RAB20: variants seen among roughly 807,000 people sequenced by gnomAD.
RAB20 encodes ras-related protein Rab-20.
Under a neutral mutation model 3.7 loss-of-function variants are expected in RAB20, and 2 were observed. The observed-to-expected ratio is 0.54, with a 90% CI of 0.22 to 1.69. The LOEUF (loss-of-function observed/expected upper bound fraction) is 1.69, where lower values mean the gene tolerates loss of function less well. Ranked by LOEUF, RAB20 falls within the 40% of genes most tolerant of loss-of-function variation. RAB20 has a pLI of 0.19. For missense variants in RAB20, 276 were observed against 311.9 expected (o/e 0.88, Z 0.87); for synonymous variants, 126 against 130.8 (o/e 0.96, Z 0.25).
At chr13:110,558,110 C>T (rs766181949) in intron 1 of RAB20, among the ~76,000 whole-genome samples, 4 of 152,240 alleles carry the variant, frequency 2.6e-5, no homozygotes, top group Non-Finnish European at 4.4e-5. Context: ...TTGCCAACAA[C>T]AGGCAACACC....
At chr13:110,527,028 A>G (rs553345082) in intron 1 of RAB20, among the ~76,000 whole-genome samples, 1 of 152,074 alleles carries the variant, frequency 6.6e-6, no homozygotes, top group East Asian at 1.9e-4. Flanking sequence ...GGGGCTTTGG[A>G]GCATGGACTG....
chr13:110,527,184 G>C (rs1261549528), intron 1 of RAB20, among the ~76,000 whole-genome samples: 2 of 152,064 alleles, frequency 1.3e-5, no homozygotes, highest in East Asian at 3.9e-4. Flanking sequence ...CACACATTCT[G>C]ATGACGCCAA....
At chr13:110,548,812 C>G (rs761940030) in intron 1 of RAB20, among the ~76,000 whole-genome samples, 2 of 152,150 alleles carry the variant, frequency 1.3e-5, no homozygotes, top group Admixed American at 6.5e-5. Flanking sequence ...GCTTCCTCAT[C>G]TGCACCGAGA....
chr13:110,538,253 A>AAAAAG (rs1555335699), intron 1 of RAB20, among the ~76,000 whole-genome samples: 49 of 150,092 alleles, frequency 3.3e-4, no homozygotes, highest in African/African-American at 1.1e-3. Context: ...AAAAAAAAAA[A>AAAAAG]AAAGAAAGAA....
chr13:110,543,123 TG>T (rs1293115364), intron 1 of RAB20, among the ~76,000 whole-genome samples: 1 of 152,180 alleles, frequency 6.6e-6, no homozygotes, highest in African/African-American at 2.4e-5. Context: ...TCAGGACCTT[TG>T]CTCATTTTAT....
At chr13:110,527,946 C>CACACACACTT (rs1217456664) in intron 1 of RAB20, among the ~76,000 whole-genome samples, 2 of 147,556 alleles carry the variant, frequency 1.4e-5, no homozygotes, top group Non-Finnish European at 3.0e-5. Context: ...CACACACATA[C>CACACACACTT]ACTTTAATTA....
At chr13:110,528,988 A>G (rs1206801310) in intron 1 of RAB20, among the ~76,000 whole-genome samples, 2 of 152,258 alleles carry the variant, frequency 1.3e-5, no homozygotes, top group African/African-American at 2.4e-5. Flanking sequence ...GAGATAATGT[A>G]TAGCTTTTAG....
At chr13:110,554,046 T>C (rs1397617812) in intron 1 of RAB20, among the ~76,000 whole-genome samples, 1 of 152,092 alleles carries the variant, frequency 6.6e-6, no homozygotes, top group East Asian at 1.9e-4. Flanking sequence ...GCCTGGGAGT[T>C]TGAAGTTACA....
chr13:110,540,152 G>A (rs974325109), intron 1 of RAB20, among the ~76,000 whole-genome samples: 1 of 152,202 alleles, frequency 6.6e-6, no homozygotes, highest in African/African-American at 2.4e-5. Flanking sequence ...TTAACACTCC[G>A]ATATTAACAG....
rs766472823 is a variant in RAB20 at position 110,523,731 on chromosome 13, C to T, written c.639G>A (p.Pro213=). The T allele has an allele frequency of 1.1e-5, 17 of 1,614,066 alleles. No homozygotes were observed. The highest frequency in any genetic ancestry group is 4.0e-5 in the African/African-American group (3 of 74,914). Residue 213 remains proline (P), a synonymous_variant, in exon 2 of 2, where the codon CCG becomes CCA. Coordinates refer to ENST00000267328, the MANE Select transcript of RAB20 (RefSeq NM_017817.3). The stretch of plus-strand genomic sequence containing the variant: ...GACTGGATATATCCACTGTGTGTGA[C>T]GGCCTCTCAGCTCTCTGCTGTAAGA... ...PMILQQRAER[P]SHTVDISSHK...
intron 1 of RAB20, among the ~76,000 whole-genome samples, chr13:110,551,201 G>T (rs1481153851): frequency 6.6e-6 from 1 of 152,200 alleles, no homozygotes; most frequent in Non-Finnish European, 1.5e-5. Flanking sequence ...GAAAGAAAAA[G>T]AGATCAGAAA....
chr13:110,546,527 T>C (rs935874907), intron 1 of RAB20, among the ~76,000 whole-genome samples: 2 of 152,184 alleles, frequency 1.3e-5, no homozygotes, highest in Non-Finnish European at 2.9e-5. Flanking sequence ...AGTCTTCCAT[T>C]TCTAAGTAGA....
chr13:110,550,693 A>G (rs1439286836), intron 1 of RAB20, among the ~76,000 whole-genome samples: 2 of 152,092 alleles, frequency 1.3e-5, no homozygotes, highest in Non-Finnish European at 2.9e-5. Context: ...CGAGGTATCT[A>G]GTGGATCTGC....
chr13:110,542,462 G>T (rs1256020180), intron 1 of RAB20, among the ~76,000 whole-genome samples: 1 of 152,050 alleles, frequency 6.6e-6, no homozygotes, highest in South Asian at 2.1e-4. Context: ...CGTAGCCTTT[G>T]ATTAAAAACT....
At chr13:110,547,823 C>T (rs1203046688) in intron 1 of RAB20, among the ~76,000 whole-genome samples, 1 of 152,238 alleles carries the variant, frequency 6.6e-6, no homozygotes, top group African/African-American at 2.4e-5. Flanking sequence ...AGACTGGAAC[C>T]TCAGTCTTGG....
At chr13:110,546,289 A>C (rs11619620) in intron 1 of RAB20, among the ~76,000 whole-genome samples, 2 of 152,164 alleles carry the variant, frequency 1.3e-5, no homozygotes, top group African/African-American at 4.8e-5. Context: ...AGTTTTAAGA[A>C]GACATCACTG....
In RAB20 at chr13:110,561,369, T is replaced by A. The variant is rs1885127947; in HGVS notation, c.151A>T (p.Ile51Phe). The A allele has an allele frequency of 1.2e-6, 2 of 1,607,378 alleles. No individual in the cohort carries two copies. The highest frequency in any genetic ancestry group is 4.5e-5 in the East Asian group (2 of 43,974). The change falls in exon 1 of 2, where the codon ATC (isoleucine) becomes TTC (phenylalanine). Residue 51 changes from isoleucine (I) to phenylalanine (F), a missense_variant. Physicochemically the swap from Ile to Phe is conservative, Grantham distance 21 (BLOSUM62 0). Transcript: ENST00000267328. Reference protein sequence around the residue: ...FYLKQWRSYNISIWDTAGREQ... With the variant: ...FYLKQWRSYNFSIWDTAGREQ... Reference sequence around the variant, plus strand: ...TCACCTGCGGTGTCCCAGATGGAGATGTTGTAGGAGCGCCACTGCTTCAGG... The same window carrying A: ...TCACCTGCGGTGTCCCAGATGGAGAAGTTGTAGGAGCGCCACTGCTTCAGG...
intron 1 of RAB20, among the ~76,000 whole-genome samples, chr13:110,547,821 A>T (rs1409153105): frequency 6.6e-6 from 1 of 152,176 alleles, no homozygotes; most frequent in Non-Finnish European, 1.5e-5. Flanking sequence ...GTAGACTGGA[A>T]CCTCAGTCTT....
At chr13:110,558,380 CT>C (rs34187531) in intron 1 of RAB20, among the ~76,000 whole-genome samples, 6,182 of 119,224 alleles carry the variant, frequency 0.052, 300 homozygotes, top group African/African-American at 0.17. Context: ...TGTCTTCCCA[CT>C]TTTTTTTTTT....
Sources: gnomAD v4.1 joint callset for allele counts (sites outside exome capture counted in the v4.1 genomes callset) on GRCh38, gnomAD v4.1.1 for gene constraint, MANE v1.5 for transcripts, NCBI Gene and HGNC (gene_info 2026-07-23, HGNC 2026-07-21) for gene names.